SLC7A6: variants seen among roughly 807,000 people sequenced by gnomAD.
SLC7A6 encodes the protein Y+L amino acid transporter 2.
SLC7A6 carries 29 observed loss-of-function variants against 46.6 expected under a neutral mutation model. The ratio of observed to expected loss-of-function variants is 0.62; its 90% CI spans 0.46 to 0.85. The LOEUF is 0.85. Among genes scored for constraint, SLC7A6 ranks in the 40% least tolerant of loss-of-function variants. The pLI is 0.00. For missense variants in SLC7A6, 527 were observed against 647.6 expected, an observed-to-expected ratio of 0.81 and a Z score of 2.02; for synonymous variants, 276 against 257.3, an observed-to-expected ratio of 1.07 and a Z score of -0.70.
At position 68,300,957 on chromosome 16, in the gene SLC7A6, C is replaced by T; in HGVS notation, c.*3629C>T. 9.8e-7 allele frequency: 1 copy of T among 1,020,358 alleles called. No individual in the cohort carries two copies. The highest frequency in any genetic ancestry group is 1.2e-6 in the Non-Finnish European group (1 of 853,034). The allele number at this position is 1,020,358 out of a possible 1,614,324, so 63.2% of individuals were successfully genotyped here. On this transcript the variant is annotated 3_prime_UTR_variant, in exon 11 of 11. Coordinates refer to ENST00000219343, the MANE Select transcript of SLC7A6 (RefSeq NM_003983.6). ...CTCCCCCTCCCTTGTGGTTTCAGCACAGAACCTGAATGCCAGGAAAAATTC... is the reference window on the plus strand; with the variant it reads ...CTCCCCCTCCCTTGTGGTTTCAGCATAGAACCTGAATGCCAGGAAAAATTC...
chr16:68,277,737 C>G (rs1433251144), intron 3 of SLC7A6, among the ~76,000 whole-genome samples: 2 of 152,130 alleles, frequency 1.3e-5, no homozygotes, highest in Non-Finnish European at 2.9e-5. Context: ...AAGCGATTCT[C>G]CTGACTCAGC....
intron 3 of SLC7A6, among the ~76,000 whole-genome samples, chr16:68,277,013 A>C (rs942516750): frequency 1.3e-5 from 2 of 152,014 alleles, no homozygotes; most frequent in African/African-American, 4.8e-5. Flanking sequence ...ACAAAACAAA[A>C]AAAAAACCTC....
At position 68,274,936 on chromosome 16, in the gene SLC7A6, G is replaced by A. The variant is rs1248145561; in HGVS notation, c.210G>A (p.Val70=). 20 of 1,614,112 alleles carry A rather than the reference G, an allele frequency of 1.2e-5. No individual in the cohort carries two copies. Among genetic ancestry groups the A allele is most frequent in the Middle Eastern group, 1.6e-4 (1 of 6,084 alleles). ...GGATCTTTGTCTCACCCAAGGGTGT[G>A]CTGGTACACACTGCCTCCTATGGGA... The part of the protein sequence containing the change: ...GSGIFVSPKG[V]LVHTASYGMS... The change falls in exon 3 of 11, where the codon GTG becomes GTA. Residue 70 remains valine, a synonymous_variant. Coordinates refer to ENST00000219343, the MANE Select transcript of SLC7A6 (RefSeq NM_003983.6).
At chr16:68,268,900 G>A (rs182597137) in intron 2 of SLC7A6, among the ~76,000 whole-genome samples, 83 of 152,182 alleles carry the variant, frequency 5.5e-4, no homozygotes, top group Admixed American at 1.6e-3. Context: ...CCAGCTACTC[G>A]GAAAGCTGAG....
At chr16:68,295,659 A>G (rs191886938) in intron 8 of SLC7A6, among the ~76,000 whole-genome samples, 50 of 152,346 alleles carry the variant, frequency 3.3e-4, no homozygotes, top group Middle Eastern at 6.8e-3. Flanking sequence ...TCCTTTGTTG[A>G]TAATTTGTAA....
At chr16:68,267,977 T>C (rs1384733278) in intron 2 of SLC7A6, among the ~76,000 whole-genome samples, 1 of 152,230 alleles carries the variant, frequency 6.6e-6, no homozygotes, top group Admixed American at 6.5e-5. Flanking sequence ...GGTTCCTGGA[T>C]GGTACTTCTC....
intron 2 of SLC7A6, among the ~76,000 whole-genome samples, chr16:68,271,805 TTTTC>T (rs145105109): frequency 0.096 from 14,589 of 151,798 alleles, 810 homozygotes; most frequent in South Asian, 0.22. Flanking sequence ...TGCATTTTTC[TTTTC>T]TTTTTTTTTT....
At chr16:68,296,870 TG>T (rs1567597241) in intron 10 of SLC7A6, 60 bp downstream of exon 10, 14 of 1,569,298 alleles carry the variant, frequency 8.9e-6, no homozygotes, top group Admixed American at 3.6e-5. Flanking sequence ...CATGCAGAGG[TG>T]GGGGGTGGCT....
intron 2 of SLC7A6, among the ~76,000 whole-genome samples, chr16:68,270,936 G>A (rs933861819): frequency 4.0e-5 from 6 of 148,364 alleles, no homozygotes; most frequent in South Asian, 2.1e-4. Context: ...ATGGCTTACC[G>A]CAGCCCTGAC....
intron 2 of SLC7A6, among the ~76,000 whole-genome samples, chr16:68,268,682 AG>A (rs768907072): frequency 2.0e-5 from 3 of 152,224 alleles, no homozygotes; most frequent in African/African-American, 7.2e-5. Context: ...TACCTGCTGC[AG>A]GAGACTGCAG....
chr16:68,288,512 G>T (rs984892617), intron 4 of SLC7A6, among the ~76,000 whole-genome samples: 1 of 152,180 alleles, frequency 6.6e-6, no homozygotes, highest in African/African-American at 2.4e-5. Context: ...GTCTTGAGGT[G>T]TCTTTAGCCA....
At chr16:68,291,098 T>C (rs975589565) in intron 5 of SLC7A6, 111 bp from the exon 6 acceptor site, 6 of 1,408,398 alleles carry the variant, frequency 4.3e-6, no homozygotes, top group Non-Finnish European at 6.0e-6. Context: ...CCTCAAAGAC[T>C]TGGAGGCTAG....
At chr16:68,288,577 T>C (rs921898378) in intron 4 of SLC7A6, among the ~76,000 whole-genome samples, 2 of 152,150 alleles carry the variant, frequency 1.3e-5, no homozygotes, top group African/African-American at 2.4e-5. Context: ...TCCCTAAATG[T>C]GGCTGTGTAC....
intron 3 of SLC7A6, chr16:68,287,443 A>C: frequency 7.5e-7 from 1 of 1,329,576 alleles, no homozygotes; most frequent in South Asian, 1.2e-5. Context: ...AGAGTAGGTG[A>C]AATCACCCAT....
intron 3 of SLC7A6, among the ~76,000 whole-genome samples, chr16:68,278,957 G>A (rs927257999): frequency 2.6e-5 from 4 of 151,814 alleles, no homozygotes; most frequent in Admixed American, 1.3e-4. Context: ...CCTCCCTCCC[G>A]GACAGGGCGG....
At chr16:68,265,237 G>C (rs2042509143) in intron 1 of SLC7A6, among the ~76,000 whole-genome samples, 1 of 152,226 alleles carries the variant, frequency 6.6e-6, no homozygotes. Flanking sequence ...CGTGCCCCTG[G>C]TGATTATGGC....
intron 3 of SLC7A6, among the ~76,000 whole-genome samples, chr16:68,276,391 C>T (rs763761933): frequency 2.0e-5 from 3 of 152,200 alleles, no homozygotes; most frequent in Non-Finnish European, 4.4e-5. Context: ...TAATAATATT[C>T]TGTTCTTTCC....
intron 3 of SLC7A6, chr16:68,284,621 G>A: frequency 1.0e-6 from 1 of 984,518 alleles, no homozygotes; most frequent in Non-Finnish European, 1.2e-6. Context: ...ATAGAAGGAA[G>A]GAGAAGGATC....
At chr16:68,296,317 C>A in intron 8 of SLC7A6, 47 bp from the exon 9 acceptor site, 1 of 1,608,546 alleles carries the variant, frequency 6.2e-7, no homozygotes, top group Non-Finnish European at 8.5e-7. Flanking sequence ...CTCCTGGGGG[C>A]GCAGGTGGTG....
Sources: allele counts gnomAD v4.1 joint callset (sites outside exome capture counted in the v4.1 genomes callset), GRCh38; gene constraint gnomAD v4.1.1; transcripts MANE v1.5; gene names NCBI Gene and HGNC (gene_info 2026-07-23, HGNC 2026-07-21).